RHPN2: variants seen among roughly 807,000 people sequenced by gnomAD.
RHPN2 encodes rhophilin Rho GTPase binding protein 2, also known as rhophilin-2.
A neutral mutation model predicts 79.0 loss-of-function variants in RHPN2; 40 were observed. The ratio of observed to expected loss-of-function variants is 0.51; its 90% CI spans 0.39 to 0.66. RHPN2 has a LOEUF of 0.66. Ranked by LOEUF, RHPN2 falls within the 30% of genes least tolerant of loss-of-function variation. RHPN2 has a pLI of 0.00. For synonymous variants in RHPN2, 285 were observed against 363.5 expected, an observed-to-expected ratio of 0.78 and a Z score of 2.46; for missense variants, 686 against 883.5, an observed-to-expected ratio of 0.78 and a Z score of 2.83.
intron 3 of RHPN2, 150 bp downstream of exon 3, chr19:33,026,354 C>T: frequency 9.7e-7 from 1 of 1,032,814 alleles, no homozygotes; most frequent in Admixed American, 1.8e-5. Context: ...GCACCTCACT[C>T]AACCCCAAAC....
intron 2 of RHPN2, among the ~76,000 whole-genome samples, chr19:33,038,227 T>C (rs1029239041): frequency 1.1e-4 from 16 of 150,770 alleles, no homozygotes; most frequent in Admixed American, 1.1e-3. Flanking sequence ...TGCGTGCCTG[T>C]AATCTCAGCT....
intron 3 of RHPN2, among the ~76,000 whole-genome samples, chr19:33,024,966 G>A (rs1311062580): frequency 1.3e-5 from 2 of 152,034 alleles, no homozygotes; most frequent in African/African-American, 4.8e-5. Context: ...TGCCCAGGCT[G>A]GCCTTGAACT....
chr19:33,040,651 G>GCCTAATGAAA (rs143583461), intron 2 of RHPN2, among the ~76,000 whole-genome samples: 1,688 of 152,180 alleles, frequency 0.011, 33 homozygotes, highest in African/African-American at 0.038. Flanking sequence ...ATTGTCTCTG[G>GCCTAATGAAA]TTGGCCTAAA....
intron 7 of RHPN2, among the ~76,000 whole-genome samples, chr19:33,007,214 C>T (rs1413388840): frequency 5.3e-5 from 8 of 151,246 alleles, no homozygotes; most frequent in African/African-American, 7.3e-5. Flanking sequence ...GGGCAGGGTG[C>T]GGTGGCTCAT....
At chr19:33,000,537 C>T (rs1971740930) in intron 9 of RHPN2, among the ~76,000 whole-genome samples, 1 of 151,968 alleles carries the variant, frequency 6.6e-6, no homozygotes. Context: ...ACCCTGAGCC[C>T]CCACACGCTA....
rs1215771738 is a variant in RHPN2 at position 33,053,487 on chromosome 19, G to A, written c.70-9123C>T. Among the ~76,000 whole-genome samples, 5 of 149,218 alleles carry A rather than the reference G, an allele frequency of 3.4e-5. No homozygotes were observed. In the South Asian group the frequency reaches 8.5e-4, roughly 25 times the overall value. On this transcript the variant is annotated intron_variant, in intron 1 of 14. Transcript: ENST00000254260. ...TGCCCAGGCTGGAGTGCAGTGGTGC[G>A]ATCTTGGCTCACTACAACCTCTGCC...
intron 3 of RHPN2, among the ~76,000 whole-genome samples, chr19:33,026,111 CT>C (rs1269616967): frequency 6.6e-6 from 1 of 151,450 alleles, no homozygotes; most frequent in Non-Finnish European, 1.5e-5. Context: ...GCCTCAGCCT[CT>C]GAGAAGCCAG....
At chr19:32,984,951 T>A (rs868650685) in intron 14 of RHPN2, among the ~76,000 whole-genome samples, 5 of 150,380 alleles carry the variant, frequency 3.3e-5, no homozygotes, top group African/African-American at 1.2e-4. Context: ...ACAAAAAAAT[T>A]AAAAATTAGC....
chr19:33,038,579 C>A (rs893927470), intron 2 of RHPN2, among the ~76,000 whole-genome samples: 27 of 151,998 alleles, frequency 1.8e-4, no homozygotes, highest in Non-Finnish European at 1.5e-5. Context: ...ACCTCCGTCC[C>A]CCTGGTTCAA....
Position 32,979,644 on chromosome 19 carries a change from T to G in RHPN2, c.*352A>C, listed in dbSNP as rs920089193. 7.9e-5 allele frequency: 19 copies of G among 239,038 alleles called. No homozygotes were observed. Among genetic ancestry groups the G allele is most frequent in the Admixed American group, 2.1e-4 (4 of 19,314 alleles). The allele number at this position is 239,038 out of a possible 1,614,324, so 14.8% of individuals were successfully genotyped here. A position where few individuals can be genotyped will look rare whatever the true frequency, so the allele number is the denominator to read the frequency against. Reference sequence around the variant, plus strand: ...ATTATTAGCCAAACCTGGAAACAACTACAAATTGTACTGATATAGGTAACC... The same window carrying G: ...ATTATTAGCCAAACCTGGAAACAACGACAAATTGTACTGATATAGGTAACC... On this transcript the variant is annotated 3_prime_UTR_variant, in exon 15 of 15. Transcript: ENST00000254260.
intron 2 of RHPN2, among the ~76,000 whole-genome samples, chr19:33,034,613 A>AAAAC (rs1460615661): frequency 9.3e-5 from 14 of 149,756 alleles, no homozygotes; most frequent in Admixed American, 4.7e-4. Context: ...CTCAAAAAAA[A>AAAAC]AAAAAAAAAA....
At chr19:33,058,636 T>G (rs149975855) in intron 1 of RHPN2, among the ~76,000 whole-genome samples, 2,057 of 151,962 alleles carry the variant, frequency 0.014, 29 homozygotes, top group Non-Finnish European at 0.022. Flanking sequence ...AAAAATTAGC[T>G]GGGCGTGGTG....
chr19:32,980,360 C>A, intron 14 of RHPN2, 104 bp from the exon 15 acceptor site: 2 of 1,362,468 alleles, frequency 1.5e-6, no homozygotes, highest in Non-Finnish European at 2.1e-6. Context: ...GTAATCCCAA[C>A]AGTTTGGGAG....
intron 1 of RHPN2, among the ~76,000 whole-genome samples, chr19:33,048,912 C>T (rs890219909): frequency 2.0e-5 from 3 of 152,132 alleles, no homozygotes; most frequent in South Asian, 4.1e-4. Context: ...AATTCCTTTA[C>T]GTACATTCCC....
At chr19:33,005,337 C>T (rs1971781438) in intron 7 of RHPN2, among the ~76,000 whole-genome samples, 3 of 141,400 alleles carry the variant, frequency 2.1e-5, no homozygotes, top group South Asian at 4.6e-4. Flanking sequence ...CACTTGAACC[C>T]GGGAAGCAGA....
At chr19:33,045,208 T>C (rs1599832833) in intron 1 of RHPN2, among the ~76,000 whole-genome samples, 1 of 151,134 alleles carries the variant, frequency 6.6e-6, no homozygotes, top group African/African-American at 2.4e-5. Context: ...CATGTCACCA[T>C]GTCCAGGTAA....
intron 7 of RHPN2, among the ~76,000 whole-genome samples, chr19:33,007,505 T>C (rs1971800972): frequency 6.6e-6 from 1 of 150,720 alleles, no homozygotes; most frequent in Non-Finnish European, 1.5e-5. Context: ...AATAAATAAA[T>C]AAATAAATAA....
intron 4 of RHPN2, among the ~76,000 whole-genome samples, chr19:33,020,167 C>A (rs916070768): frequency 6.6e-6 from 1 of 152,204 alleles, no homozygotes; most frequent in African/African-American, 2.4e-5. Context: ...TGAGGATCTG[C>A]AAATGGGAGA....
rs1220850833 is a variant in RHPN2, at chr19:32,979,829, G to T, written c.*167C>A. 1 of 812,542 alleles carries T rather than the reference G, an allele frequency of 1.2e-6. No homozygotes were observed. Among genetic ancestry groups the T allele is most frequent in the East Asian group, 2.7e-5 (1 of 37,572 alleles). 50.3% of individuals were successfully genotyped at this position (812,542 alleles called of 1,614,324 possible). A position where few individuals can be genotyped will look rare whatever the true frequency, so the allele number is the denominator to read the frequency against. On this transcript the variant is annotated 3_prime_UTR_variant, in exon 15 of 15. Coordinates refer to ENST00000254260, the MANE Select transcript of RHPN2 (RefSeq NM_033103.5). Reference sequence around the variant, plus strand: ...GTTCTTTTTTCACTAATTCCTAGAGGTTTCTTGGTTACTTTCCTTCATAAA... The same window carrying T: ...GTTCTTTTTTCACTAATTCCTAGAGTTTTCTTGGTTACTTTCCTTCATAAA...
Sources: gnomAD v4.1 joint callset for allele counts (sites outside exome capture counted in the v4.1 genomes callset) on GRCh38, gnomAD v4.1.1 for gene constraint, MANE v1.5 for transcripts, NCBI Gene and HGNC (gene_info 2026-07-23, HGNC 2026-07-21) for gene names.